SF3B3: variants seen among roughly 807,000 people sequenced by gnomAD.
SF3B3 encodes the protein splicing factor 3b subunit 3.
SF3B3 carries 33 observed loss-of-function variants against 139.2 expected under a neutral mutation model. The observed-to-expected ratio is 0.24, with a 90% CI of 0.18 to 0.32. The LOEUF is 0.32. Ranked by LOEUF, SF3B3 falls within the 10% of genes least tolerant of loss-of-function variation. SF3B3 has a pLI of 1.00. For synonymous variants in SF3B3, 596 were observed against 563.6 expected (o/e 1.06, Z -0.81); for missense variants, 818 against 1,509.4 (o/e 0.54, Z 7.59).
intron 3 of SF3B3, 26 bp downstream of exon 3, chr16:70,529,225 A>G (rs772169009): frequency 4.5e-6 from 7 of 1,567,866 alleles, no homozygotes; most frequent in African/African-American, 4.1e-5. Context: ...TACTTGCTGT[A>G]TATGCCTAGT....
intron 9 of SF3B3, among the ~76,000 whole-genome samples, chr16:70,542,921 C>T (rs1274934389): frequency 6.6e-6 from 1 of 151,926 alleles, no homozygotes; most frequent in Non-Finnish European, 1.5e-5. Context: ...CAGGGTTTCA[C>T]TGTTAACTAG....
chr16:70,559,105 G>A (rs1300801554), intron 15 of SF3B3, among the ~76,000 whole-genome samples: 1 of 152,148 alleles, frequency 6.6e-6, no homozygotes, highest in Non-Finnish European at 1.5e-5. Context: ...ATGTTTGTCT[G>A]TATCTGTGTT....
chr16:70,526,464 A>T, intron 1 of SF3B3, 123 bp from the exon 2 acceptor site: 1 of 561,354 alleles, frequency 1.8e-6, no homozygotes. Flanking sequence ...GCCCGGTCAC[A>T]TATGTTGTTT....
chr16:70,544,912 G>A (rs1294038841), intron 10 of SF3B3, among the ~76,000 whole-genome samples: 2 of 152,134 alleles, frequency 1.3e-5, no homozygotes, highest in Non-Finnish European at 1.5e-5. Context: ...CACTAGTCAT[G>A]ACATGGAGGC....
chr16:70,570,443 G>A (rs2050518478), intron 24 of SF3B3, among the ~76,000 whole-genome samples: 1 of 148,326 alleles, frequency 6.7e-6, no homozygotes, highest in South Asian at 2.1e-4. Flanking sequence ...CCATTCTCCT[G>A]CCTCAGCCTC....
chr16:70,556,040 A>G (rs2050377158), intron 13 of SF3B3, 139 bp from the exon 14 acceptor site: 2 of 768,906 alleles, frequency 2.6e-6, no homozygotes, highest in East Asian at 2.6e-5. Flanking sequence ...GTCATTTACT[A>G]TAGTAAGAGG....
chr16:70,557,107 A>AT lies in SF3B3; in HGVS notation c.2010+82dup, dbSNP rs757415150. ...CACACTCCTTTGTTTGATAACAGGG[A>AT]TTTTCTCTGCCCATGGTTTCAGATC... On this transcript the variant is annotated intron_variant, in intron 15 of 25. Coordinates refer to ENST00000302516, the MANE Select transcript of SF3B3 (RefSeq NM_012426.5). 211 of 1,433,194 alleles carry AT rather than the reference A, an allele frequency of 1.5e-4. 2 individuals are homozygous for AT. In the South Asian group the frequency reaches 1.6e-3, roughly 11 times the overall value. The allele number at this position is 1,433,194 out of a possible 1,614,324, so 88.8% of individuals were successfully genotyped here. A position where few individuals can be genotyped will look rare whatever the true frequency, so the allele number is the denominator to read the frequency against.
At chr16:70,548,295 T>C in intron 10 of SF3B3, 75 bp from the exon 11 acceptor site, 1 of 1,229,314 alleles carries the variant, frequency 8.1e-7, no homozygotes, top group Non-Finnish European at 1.2e-6. Context: ...TGAGACCTTA[T>C]TTTTTGATGT....
In SF3B3 at chr16:70,541,633, C is replaced by A. The variant is rs144459003; in HGVS notation, c.1068-36C>A. The A allele has an allele frequency of 4.4e-6, 7 of 1,575,548 alleles. No homozygotes were observed. In the East Asian group the frequency reaches 1.6e-4, roughly 35 times the overall value. On this transcript the variant is annotated intron_variant, in intron 8 of 25. Transcript: ENST00000302516. ...AGACATTATCGTCAGGCAGAGAACTCGTTACCGAAAGTTTCTCTCCTCTGC... is the reference window on the plus strand; with the variant it reads ...AGACATTATCGTCAGGCAGAGAACTAGTTACCGAAAGTTTCTCTCCTCTGC...
intron 2 of SF3B3, among the ~76,000 whole-genome samples, chr16:70,528,416 C>T (rs1436766994): frequency 2.0e-5 from 3 of 147,848 alleles, no homozygotes; most frequent in East Asian, 4.1e-4. Flanking sequence ...CTGCCTGCCT[C>T]AGCCTCCCAA....
Position 70,560,396 on chromosome 16 carries a change from C to G in SF3B3, c.2011-73C>G, listed in dbSNP as rs1306590556. On this transcript the variant is annotated intron_variant, in intron 15 of 25. Transcript: ENST00000302516. The stretch of plus-strand genomic sequence containing the variant: ...TGCTCTAATTTCTTATGTGAAGTAC[C>G]CAAGGGAGAGGTTTTCCCATCATAG... 15 of 1,535,284 alleles carry G rather than the reference C, an allele frequency of 9.8e-6. No homozygotes were observed. The South Asian group carries it at 1.7e-4, about 17-fold the overall frequency.
At chr16:70,554,406 T>C in intron 11 of SF3B3, 40 bp from the exon 12 acceptor site, 1 of 1,597,658 alleles carries the variant, frequency 6.3e-7, no homozygotes, top group Non-Finnish European at 8.6e-7. Flanking sequence ...GTAATTCTAA[T>C]GAGTTCTTAT....
At position 70,540,489 on chromosome 16, in the gene SF3B3, C is replaced by T. The variant is rs537371948; in HGVS notation, c.1068-1180C>T. 3.1e-4 allele frequency among the ~76,000 whole-genome samples: 47 copies of T among 152,180 alleles called. 1 individual carries two copies. The highest frequency in any genetic ancestry group is 1.1e-3 in the African/African-American group (45 of 41,530). On this transcript the variant is annotated intron_variant, in intron 8 of 25. Transcript: ENST00000302516. Reference sequence around the variant, plus strand: ...CTCACTGCATCCTCGACCTCCCAGGCTCAAGGTGATCCTTCCATCTCAGCC... The same window carrying T: ...CTCACTGCATCCTCGACCTCCCAGGTTCAAGGTGATCCTTCCATCTCAGCC...
At chr16:70,545,801 A>G (rs1294107299) in intron 10 of SF3B3, among the ~76,000 whole-genome samples, 1 of 152,226 alleles carries the variant, frequency 6.6e-6, no homozygotes, top group Non-Finnish European at 1.5e-5. Flanking sequence ...AAATGAGTTG[A>G]TAACAAACAA....
intron 25 of SF3B3, 104 bp downstream of exon 25, chr16:70,571,303 G>C: frequency 1.2e-6 from 1 of 806,968 alleles, no homozygotes; most frequent in Non-Finnish European, 2.1e-6. Context: ...CCTCAGGGCA[G>C]ACCACAGCCA....
At chr16:70,548,527 C>T in intron 11 of SF3B3, 85 bp downstream of exon 11, 1 of 1,168,868 alleles carries the variant, frequency 8.6e-7, no homozygotes, top group Middle Eastern at 2.5e-4. Flanking sequence ...CATAATACTT[C>T]TGTATCATTT....
rs2050542665 is a variant in SF3B3, at chr16:70,572,860, A to C, written c.*1047A>C. On this transcript the variant is annotated 3_prime_UTR_variant, in exon 26 of 26. Coordinates refer to ENST00000302516, the MANE Select transcript of SF3B3 (RefSeq NM_012426.5). ...CCAGAAATGTTCCAGCCCACCCCTG[A>C]GAATTCCTCCTGTTTAGTTGTGTGG... 1 of 152,310 alleles carries C rather than the reference A, an allele frequency of 6.6e-6. No homozygotes were observed. Among genetic ancestry groups the C allele is most frequent in the South Asian group, 2.1e-4 (1 of 4,830 alleles). 9.4% of individuals were successfully genotyped at this position (152,310 alleles called of 1,614,324 possible). A position where few individuals can be genotyped will look rare whatever the true frequency, so the allele number is the denominator to read the frequency against.
chr16:70,556,936 C>G lies in SF3B3; in HGVS notation c.1917C>G (p.Ser639=), dbSNP rs372596454. Residue 639 remains serine, a synonymous_variant, in exon 15 of 26, where the codon TCC becomes TCG. Coordinates refer to ENST00000302516, the MANE Select transcript of SF3B3 (RefSeq NM_012426.5). The part of the protein sequence containing the change: ...SMQALPAQPE[S]LCIVEMGGTE... Reference sequence around the variant, plus strand: ...AGGCTCTCCCAGCCCAGCCTGAGTCCTTGTGTATCGTGGAAATGGGTGGGA... The same window carrying G: ...AGGCTCTCCCAGCCCAGCCTGAGTCGTTGTGTATCGTGGAAATGGGTGGGA... The G allele has an allele frequency of 6.2e-6, 10 of 1,613,946 alleles. No homozygotes were observed. The East Asian group carries it at 1.8e-4, about 29-fold the overall frequency.
In SF3B3 at chr16:70,575,825, G is replaced by A. The variant is rs938753215; in HGVS notation, c.*4012G>A. Reference sequence around the variant, plus strand: ...GAAGAGGTGGGGAGTGGGCAGCAGGGGTTTTAGGTCAGGAAATGGTAGGAA... The same window carrying A: ...GAAGAGGTGGGGAGTGGGCAGCAGGAGTTTTAGGTCAGGAAATGGTAGGAA... On this transcript the variant is annotated 3_prime_UTR_variant, in exon 26 of 26. Transcript: ENST00000302516. 1.3e-5 allele frequency: 2 copies of A among 152,264 alleles called. No individual in the cohort carries two copies. The highest frequency in any genetic ancestry group is 2.9e-5 in the Non-Finnish European group (2 of 68,064). The allele number at this position is 152,264 out of a possible 1,614,324, so 9.4% of individuals were successfully genotyped here. A position where few individuals can be genotyped will look rare whatever the true frequency, so the allele number is the denominator to read the frequency against.
Sources: gnomAD v4.1 joint callset for allele counts (sites outside exome capture counted in the v4.1 genomes callset) on GRCh38, gnomAD v4.1.1 for gene constraint, MANE v1.5 for transcripts, NCBI Gene and HGNC (gene_info 2026-07-23, HGNC 2026-07-21) for gene names.